Variants in NRXN3 observed in about 807,000 individuals in gnomAD.
NRXN3 encodes neurexin III.
In NRXN3, 32 loss-of-function variants were observed where a neutral mutation model predicts 137.6. The ratio of observed to expected loss-of-function variants is 0.23; its 90% confidence interval spans 0.18 to 0.31. NRXN3 has a LOEUF of 0.31. NRXN3 is among the 10% of genes least tolerant of loss of function. The pLI is 1.00. For synonymous variants in NRXN3, 798 were observed against 784.5 expected, an observed-to-expected ratio of 1.02 and a Z score of -0.29; for missense variants, 1,574 against 2,062.5, an observed-to-expected ratio of 0.76 and a Z score of 4.59.
chr14:78,462,579 C>A (rs1394390135), intron 4 of NRXN3, among the ~76,000 whole-genome samples: 1 of 152,200 alleles, frequency 6.6e-6, no homozygotes, highest in African/African-American at 2.4e-5. Flanking sequence ...CTCCCCTTAT[C>A]AGACATCTTA....
intron 15 of NRXN3, among the ~76,000 whole-genome samples, chr14:79,206,363 A>C (rs2066786812): frequency 6.6e-6 from 1 of 152,220 alleles, no homozygotes; most frequent in Non-Finnish European, 1.5e-5. Context: ...ACTGAATCAC[A>C]GAAGGAAGAG....
chr14:79,161,594 A>G (rs2060778240), intron 15 of NRXN3, among the ~76,000 whole-genome samples: 1 of 151,976 alleles, frequency 6.6e-6, no homozygotes, highest in East Asian at 1.9e-4. Context: ...CGTGTTCAGT[A>G]TGTGTTTTGA....
chr14:78,429,862 C>G (rs1199068592), intron 4 of NRXN3, among the ~76,000 whole-genome samples: 1 of 152,206 alleles, frequency 6.6e-6, no homozygotes, highest in Non-Finnish European at 1.5e-5. Flanking sequence ...AGATTTTTGT[C>G]TCAGACTTAT....
At chr14:78,184,780 G>C (rs1391069626) in intron 1 of NRXN3, among the ~76,000 whole-genome samples, 2 of 152,218 alleles carry the variant, frequency 1.3e-5, no homozygotes, top group South Asian at 4.1e-4. Context: ...GTTGACAGCA[G>C]AGCCGTGTCT....
intron 20 of NRXN3, 157 bp downstream of exon 20, chr14:79,805,347 AATATT>A (rs752533116): frequency 1.6e-4 from 56 of 345,230 alleles, no homozygotes; most frequent in Middle Eastern, 8.2e-4. Flanking sequence ...TACATATATA[AATATT>A]ATATCAATGA....
intron 4 of NRXN3, among the ~76,000 whole-genome samples, chr14:78,405,669 G>A (rs1020529316): frequency 1.2e-4 from 19 of 152,112 alleles, no homozygotes; most frequent in African/African-American, 4.3e-4. Flanking sequence ...GGAGCCTGGC[G>A]GGGAGCCAAG....
At chr14:79,054,829 TCC>T (rs1212377086) in intron 15 of NRXN3, among the ~76,000 whole-genome samples, 1 of 152,154 alleles carries the variant, frequency 6.6e-6, no homozygotes, top group Non-Finnish European at 1.5e-5. Flanking sequence ...ACAATAATGG[TCC>T]CTTTCTGAAA....
rs561627544 is a variant in NRXN3 at position 79,223,879 on chromosome 14, A to G, written c.3262+235738A>G. 3.3e-5 allele frequency among the ~76,000 whole-genome samples: 5 copies of G among 152,280 alleles called. No individual in the cohort carries two copies. In the South Asian group the frequency reaches 1.0e-3, roughly 32 times the overall value. On this transcript the variant is annotated intron_variant, in intron 15 of 20. Transcript: ENST00000335750. ...ATGACTGGTATTTTTTTAAGCGACT[A>G]TATTTTAATAACGAGCTATTGCATG...
intron 1 of NRXN3, among the ~76,000 whole-genome samples, chr14:78,206,375 G>A (rs540383809): frequency 2.6e-4 from 40 of 152,152 alleles, no homozygotes; most frequent in Non-Finnish European, 5.4e-4. Flanking sequence ...CAGCCATGCA[G>A]GGGGTTTCCA....
At chr14:78,739,064 G>C (rs1567187286) in intron 8 of NRXN3, among the ~76,000 whole-genome samples, 1 of 152,300 alleles carries the variant, frequency 6.6e-6, no homozygotes, top group East Asian at 1.9e-4. Flanking sequence ...CTCTTCCCCA[G>C]ATCCTATTCT....
At chr14:79,549,415 A>G (rs1288250164) in intron 16 of NRXN3, among the ~76,000 whole-genome samples, 1 of 152,180 alleles carries the variant, frequency 6.6e-6, no homozygotes, top group Non-Finnish European at 1.5e-5. Context: ...TGAAGTTGGT[A>G]TGGACATAAT....
chr14:79,528,493 C>T (rs1298631666), intron 16 of NRXN3, among the ~76,000 whole-genome samples: 1 of 152,054 alleles, frequency 6.6e-6, no homozygotes, highest in Non-Finnish European at 1.5e-5. Context: ...TTAGTCACAT[C>T]TCTATGTGAG....
chr14:79,280,727 C>A, intron 15 of NRXN3: 1 of 603,922 alleles, frequency 1.7e-6, no homozygotes. Context: ...CTGCCCCTAG[C>A]CTCCGACAAC....
intron 4 of NRXN3, among the ~76,000 whole-genome samples, chr14:78,388,411 AAGAG>A (rs1443531754): frequency 3.3e-5 from 5 of 152,222 alleles, no homozygotes; most frequent in Admixed American, 6.5e-5. Context: ...TGAGGGAAAG[AAGAG>A]AAAGTTCTGT....
chr14:78,211,008 A>C (rs1019383497), intron 1 of NRXN3, among the ~76,000 whole-genome samples: 1 of 152,128 alleles, frequency 6.6e-6, no homozygotes, highest in African/African-American at 2.4e-5. Flanking sequence ...CATCTGTTAA[A>C]TGGGGTAATG....
chr14:79,520,978 T>G (rs2097058794), intron 16 of NRXN3, among the ~76,000 whole-genome samples: 1 of 152,206 alleles, frequency 6.6e-6, no homozygotes, highest in African/African-American at 2.4e-5. Flanking sequence ...GTATGTTTAT[T>G]GCAGCACTGT....
At chr14:78,821,040 T>A (rs183080825) in intron 10 of NRXN3, among the ~76,000 whole-genome samples, 57 of 152,296 alleles carry the variant, frequency 3.7e-4, no homozygotes, top group Admixed American at 2.8e-3. Context: ...TTTAGTTTTA[T>A]AATTCTTCAT....
chr14:79,725,075 C>T (rs4903872), intron 19 of NRXN3, among the ~76,000 whole-genome samples: 41,174 of 151,996 alleles, frequency 0.27, 6,150 homozygotes, highest in Middle Eastern at 0.38. Flanking sequence ...TCAAGAATCG[C>T]GTGCCAAGTG....
chr14:79,815,970 T>C (rs760830535), intron 20 of NRXN3, among the ~76,000 whole-genome samples: 2 of 152,214 alleles, frequency 1.3e-5, no homozygotes, highest in Admixed American at 6.5e-5. Flanking sequence ...AAAATGGCCA[T>C]GTTTTAACAA....
Sources: gnomAD v4.1 joint callset for allele counts (sites outside exome capture counted in the v4.1 genomes callset) on GRCh38, gnomAD v4.1.1 for gene constraint, MANE v1.5 for transcripts, NCBI Gene and HGNC (gene_info 2026-07-23, HGNC 2026-07-21) for gene names.